The following SORCS3 variants were observed in gnomAD, a reference collection of about 807,000 sequenced individuals.
SORCS3 encodes sortilin related VPS10 domain containing receptor 3, also known as VPS10 domain-containing receptor SorCS3.
Under a neutral mutation model 146.3 loss-of-function variants are expected in SORCS3, and 57 were observed. That is an observed-to-expected ratio of 0.39 (90% CI 0.31 to 0.49). SORCS3 has a LOEUF of 0.49. Among genes scored for constraint, SORCS3 ranks in the 20% least tolerant of loss-of-function variants. The pLI, the probability that SORCS3 is intolerant of heterozygous loss-of-function variation, is 0.92. For synonymous variants in SORCS3, 653 were observed against 618.5 expected (o/e 1.06, Z -0.83); for missense variants, 1,341 against 1,575.5 (o/e 0.85, Z 2.52).
intron 5 of SORCS3, among the ~76,000 whole-genome samples, chr10:105,086,771 A>G (rs1286404858): frequency 6.6e-6 from 1 of 152,204 alleles, no homozygotes; most frequent in Non-Finnish European, 1.5e-5. Flanking sequence ...CCAGCATGAT[A>G]TAAAGAAACA....
chr10:105,152,898 C>T (rs1316830174), intron 9 of SORCS3, among the ~76,000 whole-genome samples: 3 of 152,044 alleles, frequency 2.0e-5, no homozygotes, highest in Non-Finnish European at 4.4e-5. Context: ...TCAAGAAATC[C>T]ACGTCTGCTT....
At chr10:105,134,674 A>G (rs571875679) in intron 7 of SORCS3, among the ~76,000 whole-genome samples, 5 of 152,212 alleles carry the variant, frequency 3.3e-5, no homozygotes, top group Non-Finnish European at 5.9e-5. Context: ...CCAACTCTTA[A>G]TACTGTTGCA....
rs569634478 is a variant in SORCS3, at chr10:104,878,866, C to T, written c.695+36007C>T. Among the ~76,000 whole-genome samples the T allele has an allele frequency of 8.5e-5, 13 of 152,220 alleles. 1 individual carries two copies. The highest frequency in any genetic ancestry group is 3.4e-3 in the Middle Eastern group (1 of 294). The stretch of plus-strand genomic sequence containing the variant: ...GTTCTAGGAAACATAGGCATAGATG[C>T]GACCATTGATCCCAGCCAGCAGTGC... On this transcript the variant is annotated intron_variant, in intron 2 of 26. Coordinates refer to ENST00000369701, the MANE Select transcript of SORCS3 (RefSeq NM_014978.3).
intron 1 of SORCS3, among the ~76,000 whole-genome samples, chr10:104,806,272 G>C (rs1048360093): frequency 2.0e-5 from 3 of 151,878 alleles, no homozygotes; most frequent in African/African-American, 7.3e-5. Flanking sequence ...TGCCCAGAGG[G>C]TAAGTTTAGG....
intron 5 of SORCS3, among the ~76,000 whole-genome samples, chr10:105,070,534 T>A (rs1420938604): frequency 6.6e-6 from 1 of 152,186 alleles, no homozygotes; most frequent in Admixed American, 6.5e-5. Context: ...TCCCAGCCTG[T>A]GATCAAGGAA....
intron 1 of SORCS3, among the ~76,000 whole-genome samples, chr10:104,825,814 G>A (rs1340353011): frequency 1.3e-5 from 2 of 152,168 alleles, no homozygotes; most frequent in African/African-American, 4.8e-5. Flanking sequence ...GGGAATGAGA[G>A]TGAATGGATT....
intron 1 of SORCS3, among the ~76,000 whole-genome samples, chr10:104,803,094 T>C (rs948367437): frequency 3.3e-5 from 5 of 152,160 alleles, no homozygotes; most frequent in African/African-American, 1.2e-4. Flanking sequence ...TGCATGCTGA[T>C]AGGGAGACAG....
intron 2 of SORCS3, among the ~76,000 whole-genome samples, chr10:104,889,066 T>A (rs2018722070): frequency 6.6e-6 from 1 of 152,166 alleles, no homozygotes; most frequent in South Asian, 2.1e-4. Flanking sequence ...TGGTAGTTGT[T>A]TTTTTGGCTC....
At chr10:105,011,740 G>A (rs111538417) in intron 4 of SORCS3, among the ~76,000 whole-genome samples, 13 of 152,126 alleles carry the variant, frequency 8.5e-5, no homozygotes, top group Non-Finnish European at 1.5e-4. Context: ...CTTTCCAACC[G>A]TCCTTTCACG....
intron 2 of SORCS3, among the ~76,000 whole-genome samples, chr10:104,859,047 A>G (rs2018369527): frequency 6.6e-6 from 1 of 151,004 alleles, no homozygotes; most frequent in Non-Finnish European, 1.5e-5. Context: ...TGCAGCTTGT[A>G]TGTGTGTGTG....
chr10:104,643,735 T>G (rs1245780465), intron 1 of SORCS3, among the ~76,000 whole-genome samples: 1 of 151,780 alleles, frequency 6.6e-6, no homozygotes, highest in African/African-American at 2.4e-5. Context: ...TGTGTGTGTG[T>G]GTGTGTGTGT....
At chr10:104,785,364 AAACAGATGCTT>A (rs1215689267) in intron 1 of SORCS3, among the ~76,000 whole-genome samples, 1 of 142,072 alleles carries the variant, frequency 7.0e-6, no homozygotes. Context: ...GTGCTTTGTT[AAACAGATGCTT>A]GAAGGCAGCA....
intron 4 of SORCS3, 135 bp from the exon 5 acceptor site, chr10:105,042,920 T>G: frequency 1.4e-6 from 1 of 718,588 alleles, no homozygotes. Flanking sequence ...TATTCCTACC[T>G]TTTTATCTGG....
At chr10:104,817,641 A>C (rs1254585404) in intron 1 of SORCS3, among the ~76,000 whole-genome samples, 217 of 12,988 alleles carry the variant, frequency 0.017, no homozygotes, top group Middle Eastern at 0.038. Context: ...TCTCCCCTCC[A>C]CCTCCTCCTT....
intron 1 of SORCS3, among the ~76,000 whole-genome samples, chr10:104,806,025 T>C (rs1027223432): frequency 5.9e-5 from 9 of 152,226 alleles, no homozygotes; most frequent in Admixed American, 5.2e-4. Flanking sequence ...TGTTGGGAGA[T>C]AAGTTTGGAA....
chr10:105,089,194 C>T (rs980130174), intron 5 of SORCS3, among the ~76,000 whole-genome samples: 4 of 152,232 alleles, frequency 2.6e-5, no homozygotes, highest in South Asian at 2.1e-4. Context: ...GAATTTTGTC[C>T]GTGTCAGACC....
rs141882249 is a variant in SORCS3 at position 105,250,790 on chromosome 10, C to T, written c.3106-1985C>T. Among the ~76,000 whole-genome samples, 13 of 152,272 alleles carry T rather than the reference C, an allele frequency of 8.5e-5. No individual in the cohort carries two copies. In the East Asian group the frequency reaches 9.7e-4, roughly 11 times the overall value. On this transcript the variant is annotated intron_variant, in intron 22 of 26. Coordinates refer to ENST00000369701, the MANE Select transcript of SORCS3 (RefSeq NM_014978.3). ...AGGCATCTAGCTAACCATCTCAGGC[C>T]GTTAAGAGGATGCCTCCCTGGTTGG...
chr10:104,977,725 C>CT (rs2054908651), intron 4 of SORCS3, among the ~76,000 whole-genome samples: 2 of 136,012 alleles, frequency 1.5e-5, no homozygotes, highest in African/African-American at 5.7e-5. Context: ...ATTTCCTTTT[C>CT]TTTTCTTTTT....
intron 5 of SORCS3, among the ~76,000 whole-genome samples, chr10:105,074,339 C>A (rs1482294178): frequency 6.6e-6 from 1 of 152,196 alleles, no homozygotes; most frequent in African/African-American, 2.4e-5. Flanking sequence ...AAAATGCAGA[C>A]AAACATAGTA....
Sources: allele counts gnomAD v4.1 joint callset (sites outside exome capture counted in the v4.1 genomes callset), GRCh38; gene constraint gnomAD v4.1.1; transcripts MANE v1.5; gene names NCBI Gene and HGNC (gene_info 2026-07-23, HGNC 2026-07-21).